Variants in ATXN1 observed in about 807,000 individuals in gnomAD.
The protein encoded by ATXN1 is ataxin 1.
ATXN1 carries 8 observed loss-of-function variants against 56.4 expected under a neutral mutation model. The observed-to-expected ratio is 0.14, with a 90% CI of 0.08 to 0.26. The LOEUF (loss-of-function observed/expected upper bound fraction) is 0.26, where lower values mean the gene tolerates loss of function less well. Among genes scored for constraint, ATXN1 ranks in the 10% least tolerant of loss-of-function variants. ATXN1 has a pLI of 1.00. For missense variants in ATXN1, 987 were observed against 1,106.5 expected (o/e 0.89, Z 1.53); for synonymous variants, 514 against 494.6 (o/e 1.04, Z -0.52).
rs963305099 is a variant in ATXN1, at chr6:16,309,965, C to T, written c.1918-3106G>A. On this transcript the variant is annotated intron_variant, in intron 7 of 7. Transcript: ENST00000436367. ...AGGAGAATCACTTGAACCCGGGAGG[C>T]GGAGGTTGCAGTGAGCCAAGATCGT... Among the ~76,000 whole-genome samples the T allele has an allele frequency of 5.3e-5, 8 of 151,456 alleles. No homozygotes were observed. The East Asian group carries it at 5.8e-4, about 11-fold the overall frequency.
intron 4 of ATXN1, among the ~76,000 whole-genome samples, chr6:16,530,435 G>A (rs1330982638): frequency 6.6e-6 from 1 of 152,208 alleles, no homozygotes; most frequent in South Asian, 2.1e-4. Flanking sequence ...GAAGCAGTAC[G>A]ATTCCATGGA....
At chr6:16,749,372 G>A (rs1316312766) in intron 2 of ATXN1, among the ~76,000 whole-genome samples, 2 of 152,218 alleles carry the variant, frequency 1.3e-5, no homozygotes, top group Admixed American at 1.3e-4. Context: ...TAATAAAACT[G>A]TTTAGAGGAA....
chr6:16,699,868 AT>A (rs563773751), intron 2 of ATXN1, among the ~76,000 whole-genome samples: 108 of 152,270 alleles, frequency 7.1e-4, no homozygotes, highest in African/African-American at 2.3e-3. Context: ...GCTCACGAAC[AT>A]TTTTTTAATG....
chr6:16,378,054 G>A (rs899739328), intron 6 of ATXN1, among the ~76,000 whole-genome samples: 3 of 152,222 alleles, frequency 2.0e-5, no homozygotes, highest in African/African-American at 7.2e-5. Flanking sequence ...TGGCAGCCAT[G>A]GGGCTCGTTC....
chr6:16,429,365 T>A (rs1759227709), intron 6 of ATXN1, among the ~76,000 whole-genome samples: 1 of 86,730 alleles, frequency 1.2e-5, no homozygotes. Context: ...ATGTTTGGAG[T>A]CCTTTTAGCA....
In ATXN1 at chr6:16,386,291, G is replaced by A. The variant is rs188778735; in HGVS notation, c.-160-57821C>T. Among the ~76,000 whole-genome samples the A allele has an allele frequency of 1.3e-3, 193 of 152,268 alleles. 1 individual carries two copies. The highest frequency in any genetic ancestry group is 1.6e-3 in the Non-Finnish European group (109 of 68,032). ...CTGCTTTGAACAAGATCTACATCGC[G>A]TTCTCTGCATTGCACTTGCTGCTGC... On this transcript the variant is annotated intron_variant, in intron 6 of 7. Transcript: ENST00000436367.
At chr6:16,463,959 C>A (rs189773483) in intron 6 of ATXN1, among the ~76,000 whole-genome samples, 2 of 152,278 alleles carry the variant, frequency 1.3e-5, no homozygotes, top group East Asian at 3.9e-4. Context: ...CTGGACTGAC[C>A]CACCAGCCCT....
chr6:16,638,844 C>G (rs1203604645), intron 3 of ATXN1, among the ~76,000 whole-genome samples: 1 of 152,152 alleles, frequency 6.6e-6, no homozygotes, highest in East Asian at 1.9e-4. Flanking sequence ...TATGGAAACC[C>G]ATCTGCAGGT....
chr6:16,668,237 A>G (rs1758471623), intron 2 of ATXN1, among the ~76,000 whole-genome samples: 1 of 151,972 alleles, frequency 6.6e-6, no homozygotes, highest in African/African-American at 2.4e-5. Flanking sequence ...GTACATGTGC[A>G]CAATGTGCAG....
At chr6:16,644,513 CAAAAAAAA>C (rs368108627) in intron 3 of ATXN1, among the ~76,000 whole-genome samples, 1 of 92,210 alleles carries the variant, frequency 1.1e-5, no homozygotes, top group Non-Finnish European at 2.3e-5. Context: ...GACTCCGTTT[CAAAAAAAA>C]AAAAAAAAAG....
chr6:16,620,816 C>T (rs768757864), intron 3 of ATXN1, among the ~76,000 whole-genome samples: 11 of 152,144 alleles, frequency 7.2e-5, no homozygotes, highest in Non-Finnish European at 1.5e-4. Context: ...AGTTCTAGGA[C>T]CCCCACCTAC....
chr6:16,476,914 C>T (rs776978135), intron 6 of ATXN1, among the ~76,000 whole-genome samples: 1 of 152,196 alleles, frequency 6.6e-6, no homozygotes, highest in Non-Finnish European at 1.5e-5. Context: ...ATGTCTTTCC[C>T]ATCATAAGCA....
chr6:16,577,523 CAAA>C (rs61193572), intron 4 of ATXN1, among the ~76,000 whole-genome samples: 13,800 of 76,804 alleles, frequency 0.18, 1,286 homozygotes, highest in African/African-American at 0.36. Context: ...GACTCTGTCT[CAAA>C]AAAAAAAAAA....
intron 5 of ATXN1, among the ~76,000 whole-genome samples, chr6:16,503,717 GAATA>G (rs1760927720): frequency 6.6e-6 from 1 of 152,156 alleles, no homozygotes; most frequent in Non-Finnish European, 1.5e-5. Context: ...TTGAATGAAT[GAATA>G]AAGATGGATG....
chr6:16,588,862 G>A (rs1762673697), intron 3 of ATXN1, among the ~76,000 whole-genome samples: 1 of 152,154 alleles, frequency 6.6e-6, no homozygotes, highest in Admixed American at 6.5e-5. Flanking sequence ...TTTAATTAGT[G>A]TTGATTGGAT....
Position 16,327,652 on chromosome 6 carries a change from T to G in ATXN1, c.659A>C (p.Gln220Pro). Residue 220 changes from glutamine to proline, a missense_variant, in exon 7 of 8, where the codon CAG becomes CCG. By Grantham distance (76) the Gln-to-Pro change is moderately conservative. Transcript: ENST00000436367. ...QHQQQQQQQQ[Q>P]QQQQQHLSRA... ...GCTGAGGTGCTGCTGCTGCTGCTGC[T>G]GCTGCTGCTGCTGCTGCTGCTGCTG... 6.5e-7 allele frequency: 1 copy of G among 1,547,536 alleles called. No homozygotes were observed. The highest frequency in any genetic ancestry group is 1.5e-5 in the African/African-American group (1 of 65,574).
intron 3 of ATXN1, among the ~76,000 whole-genome samples, chr6:16,643,886 T>C (rs1245685225): frequency 6.6e-6 from 1 of 152,160 alleles, no homozygotes; most frequent in Non-Finnish European, 1.5e-5. Flanking sequence ...TTTCTGAAAT[T>C]AGAATGAGAA....
At chr6:16,457,640 G>A (rs1333722043) in intron 6 of ATXN1, among the ~76,000 whole-genome samples, 1 of 152,136 alleles carries the variant, frequency 6.6e-6, no homozygotes, top group Non-Finnish European at 1.5e-5. Context: ...AAGAGGGAAG[G>A]GAAATGGAGT....
chr6:16,486,557 G>C (rs114818442), intron 5 of ATXN1, among the ~76,000 whole-genome samples: 2 of 152,160 alleles, frequency 1.3e-5, no homozygotes, highest in Non-Finnish European at 2.9e-5. Context: ...TCATAAGCCT[G>C]TTCCTGAGCT....
Sources: allele counts gnomAD v4.1 joint callset (sites outside exome capture counted in the v4.1 genomes callset), GRCh38; gene constraint gnomAD v4.1.1; transcripts MANE v1.5; gene names NCBI Gene and HGNC (gene_info 2026-07-23, HGNC 2026-07-21).